RAB31: variants seen among roughly 807,000 people sequenced by gnomAD.
RAB31 encodes the protein RAB31, member RAS oncogene family.
RAB31 carries 21 observed loss-of-function variants against 25.6 expected under a neutral mutation model. The ratio of observed to expected loss-of-function variants is 0.82; its 90% CI spans 0.58 to 1.18. The LOEUF is 1.18. RAB31 is among the 50% of genes most tolerant of loss of function. The probability of loss-of-function intolerance (pLI) is 0.00; values close to 1 mark genes in which losing one functional copy is unlikely to be tolerated. For missense variants in RAB31, 196 were observed against 250.1 expected (o/e 0.78, Z 1.46); for synonymous variants, 87 against 84.0 (o/e 1.04, Z -0.20).
chr18:9,759,603 G>A lies in RAB31; in HGVS notation c.40-15675G>A, dbSNP rs563533307. 2.6e-5 allele frequency among the ~76,000 whole-genome samples: 4 copies of A among 152,080 alleles called. No individual in the cohort carries two copies. In the East Asian group the frequency reaches 7.7e-4, roughly 29 times the overall value. On this transcript the variant is annotated intron_variant, in intron 1 of 6. Transcript: ENST00000578921. The stretch of plus-strand genomic sequence containing the variant: ...ATTTAGGGGGATATTGGATGCCTGA[G>A]GTCTGTGATCTGTTTCTAAGCCTCA...
intron 5 of RAB31, among the ~76,000 whole-genome samples, chr18:9,842,665 T>C (rs974368306): frequency 1.3e-5 from 2 of 152,128 alleles, no homozygotes; most frequent in African/African-American, 4.8e-5. Flanking sequence ...CCAACTGCAG[T>C]GCATGTGACA....
At chr18:9,848,242 C>T (rs2068771307) in intron 6 of RAB31, among the ~76,000 whole-genome samples, 1 of 152,114 alleles carries the variant, frequency 6.6e-6, no homozygotes, top group Admixed American at 6.5e-5. Context: ...GTCCATCTGT[C>T]CACTTGGCTG....
intron 1 of RAB31, among the ~76,000 whole-genome samples, chr18:9,749,676 T>C (rs1291740228): frequency 1.3e-5 from 2 of 152,148 alleles, no homozygotes; most frequent in Non-Finnish European, 2.9e-5. Context: ...ACTGAAACAG[T>C]TATGATTGAG....
At chr18:9,773,386 A>G (rs1363422983) in intron 1 of RAB31, among the ~76,000 whole-genome samples, 2 of 152,078 alleles carry the variant, frequency 1.3e-5, no homozygotes, top group Admixed American at 6.5e-5. Flanking sequence ...TGAATCAGCT[A>G]TTTTTTCATT....
chr18:9,771,825 G>A (rs1219730076), intron 1 of RAB31, among the ~76,000 whole-genome samples: 2 of 152,176 alleles, frequency 1.3e-5, no homozygotes. Context: ...CTATCCTTTC[G>A]TCCTGTTATT....
chr18:9,818,240 G>A (rs9946261), intron 5 of RAB31, among the ~76,000 whole-genome samples: 36,156 of 151,898 alleles, frequency 0.24, 5,767 homozygotes, highest in East Asian at 0.84. Context: ...AAACATCACG[G>A]TCACCTGTTT....
chr18:9,743,741 C>T (rs796476633), intron 1 of RAB31, among the ~76,000 whole-genome samples: 4 of 152,392 alleles, frequency 2.6e-5, no homozygotes, highest in African/African-American at 9.6e-5. Context: ...GAAGCCACCG[C>T]AGCACCATGT....
chr18:9,834,640 A>T (rs1160144222), intron 5 of RAB31, among the ~76,000 whole-genome samples: 1 of 152,358 alleles, frequency 6.6e-6, no homozygotes, highest in East Asian at 1.9e-4. Context: ...CAAAGTTCAA[A>T]AAAAGAATGA....
intron 1 of RAB31, among the ~76,000 whole-genome samples, chr18:9,759,863 G>A (rs904008812): frequency 9.9e-5 from 15 of 152,040 alleles, no homozygotes; most frequent in Non-Finnish European, 2.1e-4. Flanking sequence ...GGTGCTGGGG[G>A]CTCTGACAGA....
At chr18:9,849,143 T>C (rs1204580896) in intron 6 of RAB31, among the ~76,000 whole-genome samples, 2 of 152,198 alleles carry the variant, frequency 1.3e-5, no homozygotes, top group Non-Finnish European at 2.9e-5. Context: ...TTTTTTTTCC[T>C]TGGGTTCTTA....
chr18:9,731,135 G>T (rs1599015824), intron 1 of RAB31, among the ~76,000 whole-genome samples: 1 of 152,192 alleles, frequency 6.6e-6, no homozygotes, highest in South Asian at 2.1e-4. Context: ...TTGAGATGGG[G>T]GTTCTCACTG....
chr18:9,824,466 G>C (rs750442387), intron 5 of RAB31, among the ~76,000 whole-genome samples: 1 of 151,606 alleles, frequency 6.6e-6, no homozygotes, highest in Non-Finnish European at 1.5e-5. Context: ...GTGTAGGTGT[G>C]TGTGTGTTGG....
intron 1 of RAB31, among the ~76,000 whole-genome samples, chr18:9,739,832 C>T (rs2068169060): frequency 6.6e-6 from 1 of 152,210 alleles, no homozygotes; most frequent in Non-Finnish European, 1.5e-5. Context: ...GGGAAAATGT[C>T]ATCGTTAGCT....
chr18:9,816,645 T>A (rs932668733), intron 5 of RAB31, among the ~76,000 whole-genome samples: 1 of 152,220 alleles, frequency 6.6e-6, no homozygotes, highest in African/African-American at 2.4e-5. Context: ...GTTATTGAAC[T>A]TCTTATATCT....
chr18:9,813,608 T>C (rs1439472483), intron 3 of RAB31, among the ~76,000 whole-genome samples: 1 of 152,056 alleles, frequency 6.6e-6, no homozygotes, highest in Admixed American at 6.6e-5. Context: ...TACCAGCACT[T>C]TGGGAGGCTG....
intron 3 of RAB31, among the ~76,000 whole-genome samples, chr18:9,808,415 A>G (rs1473809711): frequency 6.6e-6 from 1 of 151,984 alleles, no homozygotes; most frequent in Non-Finnish European, 1.5e-5. Flanking sequence ...CTCTGCATAC[A>G]CTCGGGTTTT....
At chr18:9,840,203 G>C (rs558629144) in intron 5 of RAB31, among the ~76,000 whole-genome samples, 1 of 152,212 alleles carries the variant, frequency 6.6e-6, no homozygotes, top group Admixed American at 6.5e-5. Context: ...TCCTGCAGTC[G>C]TAGTAATTCT....
chr18:9,826,060 A>G (rs1026087060), intron 5 of RAB31, among the ~76,000 whole-genome samples: 1 of 151,994 alleles, frequency 6.6e-6, no homozygotes, highest in African/African-American at 2.4e-5. Flanking sequence ...CTGCACACGT[A>G]CCCCTCTGAA....
At position 9,856,496 on chromosome 18, in the gene RAB31, T is replaced by C. The variant is rs1189444165; in HGVS notation, c.491-2732T>C. On this transcript the variant is annotated intron_variant, in intron 6 of 6. Transcript: ENST00000578921. ...TTGTGTACTTTCCAAAGCAAAAAAC[T>C]TATGAAAACAAGACATGAGGGAAAT... 4 of 152,294 alleles carry C rather than the reference T, an allele frequency of 2.6e-5. No individual in the cohort carries two copies. In the East Asian group the frequency reaches 7.7e-4, roughly 29 times the overall value. The allele number at this position is 152,294 out of a possible 1,614,324, so 9.4% of individuals were successfully genotyped here. A position where few individuals can be genotyped will look rare whatever the true frequency, so the allele number is the denominator to read the frequency against.
Sources: gnomAD v4.1 joint callset for allele counts (sites outside exome capture counted in the v4.1 genomes callset) on GRCh38, gnomAD v4.1.1 for gene constraint, MANE v1.5 for transcripts, NCBI Gene and HGNC (gene_info 2026-07-23, HGNC 2026-07-21) for gene names.